Variants in ZDHHC17 observed in about 807,000 individuals in gnomAD.
ZDHHC17 encodes the protein palmitoyltransferase ZDHHC17.
Under a neutral mutation model 90.3 loss-of-function variants are expected in ZDHHC17, and 40 were observed. That is an observed-to-expected ratio of 0.44 (90% CI 0.34 to 0.58). The LOEUF is 0.58. ZDHHC17 is among the 20% of genes least tolerant of loss of function. The probability of loss-of-function intolerance (pLI) is 0.01; values close to 1 mark genes in which losing one functional copy is unlikely to be tolerated. For synonymous variants in ZDHHC17, 235 were observed against 252.4 expected (o/e 0.93, Z 0.65); for missense variants, 614 against 780.8 (o/e 0.79, Z 2.55).
Position 76,809,794 on chromosome 12 carries a change from TATTC to T in ZDHHC17, c.483_486del (p.His162TrpfsTer15). On this transcript the variant is annotated frameshift_variant, in exon 5 of 17. Coordinates refer to ENST00000426126, the MANE Select transcript of ZDHHC17 (RefSeq NM_015336.4). LOFTEE classifies it high-confidence loss of function. ...TAATTGATGGAGAAGGATGTAGCTG[TATTC>T]ATCTGGCTGCTCAGTTCGGACATAC... The T allele has an allele frequency of 6.2e-7, 1 of 1,609,840 alleles. No individual in the cohort carries two copies. The highest frequency in any genetic ancestry group is 8.5e-7 in the Non-Finnish European group (1 of 1,178,084).
At chr12:76,802,533 TC>T (rs1441120563) in intron 2 of ZDHHC17, among the ~76,000 whole-genome samples, 3 of 152,118 alleles carry the variant, frequency 2.0e-5, no homozygotes, top group African/African-American at 7.2e-5. Flanking sequence ...TCTCTCTCTC[TC>T]TTTTCCTGGA....
rs76254416 is a variant in ZDHHC17 at position 76,826,806 on chromosome 12, G to T, written c.898-102G>T. 3,436 of 1,228,904 alleles carry T rather than the reference G, an allele frequency of 2.8e-3. 59 individuals are homozygous for T. The East Asian group carries it at 0.039, about 14-fold the overall frequency. The allele number at this position is 1,228,904 out of a possible 1,614,324, so 76.1% of individuals were successfully genotyped here. A position where few individuals can be genotyped will look rare whatever the true frequency, so the allele number is the denominator to read the frequency against. ...ACATAGCATGCAAATTTGAGTGAAT[G>T]AATTTCACCCGCTGTTGCATGCCTT... On this transcript the variant is annotated intron_variant, in intron 8 of 16. Transcript: ENST00000426126.
At chr12:76,792,137 G>C (rs1395939722) in intron 1 of ZDHHC17, among the ~76,000 whole-genome samples, 5 of 152,068 alleles carry the variant, frequency 3.3e-5, no homozygotes, top group Non-Finnish European at 5.9e-5. Flanking sequence ...GGTCATTCTA[G>C]TCACCAGCCC....
chr12:76,837,151 T>C (rs1362991009), intron 10 of ZDHHC17, among the ~76,000 whole-genome samples: 1 of 152,188 alleles, frequency 6.6e-6, no homozygotes. Context: ...TTTGTGTTTT[T>C]TTGATACAGA....
rs1330210802 is a variant in ZDHHC17, at chr12:76,851,321, A to G, written c.*336A>G. On this transcript the variant is annotated 3_prime_UTR_variant, in exon 17 of 17. Transcript: ENST00000426126. Reference sequence around the variant, plus strand: ...TTCTATTGACAGACATGGTGTACTGATCAGAAATGTTCAGTTTTAACTAAA... The same window carrying G: ...TTCTATTGACAGACATGGTGTACTGGTCAGAAATGTTCAGTTTTAACTAAA... 3 of 252,194 alleles carry G rather than the reference A, an allele frequency of 1.2e-5. No individual in the cohort carries two copies. The highest frequency in any genetic ancestry group is 2.3e-5 in the Non-Finnish European group (3 of 131,584). 15.6% of individuals were successfully genotyped at this position (252,194 alleles called of 1,614,324 possible). A position where few individuals can be genotyped will look rare whatever the true frequency, so the allele number is the denominator to read the frequency against.
At chr12:76,815,822 T>C in intron 6 of ZDHHC17, 35 bp from the exon 7 acceptor site, 2 of 1,455,954 alleles carry the variant, frequency 1.4e-6, no homozygotes, top group Non-Finnish European at 9.1e-7. Flanking sequence ...TTAGGGTTGT[T>C]GTTGTTGTTT....
chr12:76,774,399 A>T (rs968096333), intron 1 of ZDHHC17, among the ~76,000 whole-genome samples: 1 of 152,160 alleles, frequency 6.6e-6, no homozygotes, highest in Non-Finnish European at 1.5e-5. Context: ...TCTTGTTGAA[A>T]TAACCCTAGG....
chr12:76,778,845 A>AT (rs982880810), intron 1 of ZDHHC17, among the ~76,000 whole-genome samples: 3 of 151,962 alleles, frequency 2.0e-5, no homozygotes, highest in African/African-American at 7.3e-5. Flanking sequence ...AACAATGGAA[A>AT]TTTTTTTTCT....
chr12:76,849,611 T>C (rs766476623), intron 16 of ZDHHC17, 141 bp downstream of exon 16: 9 of 553,162 alleles, frequency 1.6e-5, no homozygotes, highest in Non-Finnish European at 2.2e-5. Flanking sequence ...TTCACCATAA[T>C]AACAACAAAA....
At position 76,853,583 on chromosome 12, in the gene ZDHHC17, G is replaced by A. The variant is rs1015247590; in HGVS notation, c.*2598G>A. 3.3e-5 allele frequency: 5 copies of A among 150,624 alleles called. No homozygotes were observed. Among genetic ancestry groups the A allele is most frequent in the South Asian group, 2.1e-4 (1 of 4,694 alleles). 9.3% of individuals were successfully genotyped at this position (150,624 alleles called of 1,614,324 possible). ...GCCAAGTATTATTTTGCTACTTACC[G>A]TGTTATTCTGTGGAAAGAAAAACCT... On this transcript the variant is annotated 3_prime_UTR_variant, in exon 17 of 17. Transcript: ENST00000426126.
rs138944473 is a variant in ZDHHC17, at chr12:76,788,670, ATT to A, written c.94-8762_94-8761del. On this transcript the variant is annotated intron_variant, in intron 1 of 16. Coordinates refer to ENST00000426126, the MANE Select transcript of ZDHHC17 (RefSeq NM_015336.4). Reference sequence around the variant, plus strand: ...AAGATGAACTAGGATAGGAAAATATATTTAAGTTGGAATCGCAATTTTTTTTT... The same window carrying A: ...AAGATGAACTAGGATAGGAAAATATATAAGTTGGAATCGCAATTTTTTTTT... 5.5e-3 allele frequency among the ~76,000 whole-genome samples: 683 copies of A among 124,362 alleles called. 8 individuals carry two copies. Among genetic ancestry groups the A allele is most frequent in the African/African-American group, 0.019 (641 of 33,236 alleles). 81.6% of individuals were successfully genotyped at this position (124,362 alleles called of 152,430 possible). A position where few individuals can be genotyped will look rare whatever the true frequency, so the allele number is the denominator to read the frequency against.
intron 2 of ZDHHC17, among the ~76,000 whole-genome samples, chr12:76,801,870 A>C (rs1383988273): frequency 1.3e-5 from 2 of 152,222 alleles, no homozygotes; most frequent in Non-Finnish European, 2.9e-5. Context: ...CTCTAAAATT[A>C]TATAGAAACA....
chr12:76,822,257 G>A (rs958523544), intron 7 of ZDHHC17, 149 bp from the exon 8 acceptor site: 1 of 910,446 alleles, frequency 1.1e-6, no homozygotes, highest in Non-Finnish European at 1.6e-6. Context: ...TAAGAAACAT[G>A]TAATGATGCA....
At position 76,852,204 on chromosome 12, in the gene ZDHHC17, A is replaced by G. The variant is rs983459276; in HGVS notation, c.*1219A>G. 6 of 152,568 alleles carry G rather than the reference A, an allele frequency of 3.9e-5. No homozygotes were observed. Among genetic ancestry groups the G allele is most frequent in the African/African-American group, 1.4e-4 (6 of 41,420 alleles). 9.5% of individuals were successfully genotyped at this position (152,568 alleles called of 1,614,324 possible). On this transcript the variant is annotated 3_prime_UTR_variant, in exon 17 of 17. Transcript: ENST00000426126. ...GGACTACTAGTCACTGCTTCCATAA[A>G]TATTGTTTACAGGGTGAGATTTGGT... is the stretch of plus-strand genomic sequence containing the variant.
chr12:76,808,526 C>T (rs1467315334), intron 3 of ZDHHC17, among the ~76,000 whole-genome samples: 4 of 152,194 alleles, frequency 2.6e-5, no homozygotes, highest in African/African-American at 9.6e-5. Context: ...GCTTACTAAT[C>T]TAATACTAAA....
At position 76,846,624 on chromosome 12, in the gene ZDHHC17, C is replaced by T. The variant is rs767707340; in HGVS notation, c.1452C>T (p.Gly484=). Residue 484 remains glycine, a synonymous_variant, in exon 14 of 17, where the codon GGC becomes GGT. Transcript: ENST00000426126. ...CAGGCAACCATAGATATTTTATGGG[C>T]TACCTATTCTTCTTGCTTTTTATGA... ...VGAGNHRYFM[G]YLFFLLFMIC... is the part of the protein sequence containing the mutation. The T allele has an allele frequency of 6.2e-7, 1 of 1,612,376 alleles. No homozygotes were observed.
At chr12:76,804,775 C>T (rs1210981500) in intron 2 of ZDHHC17, among the ~76,000 whole-genome samples, 1 of 152,122 alleles carries the variant, frequency 6.6e-6, no homozygotes, top group Non-Finnish European at 1.5e-5. Flanking sequence ...GCTGTAGCTG[C>T]CCTGGGTGTG....
intron 1 of ZDHHC17, among the ~76,000 whole-genome samples, chr12:76,774,040 A>G (rs1379205604): frequency 6.6e-6 from 1 of 152,064 alleles, no homozygotes; most frequent in Non-Finnish European, 1.5e-5. Flanking sequence ...GCTTGAGCCT[A>G]GCAATTCCAG....
intron 1 of ZDHHC17, among the ~76,000 whole-genome samples, chr12:76,790,916 GACTA>G (rs765048127): frequency 3.8e-4 from 21 of 55,414 alleles, no homozygotes; most frequent in Non-Finnish European, 6.7e-4. Flanking sequence ...ATTACAGACT[GACTA>G]ACAATTTATT....
Sources: gnomAD v4.1 joint callset for allele counts (sites outside exome capture counted in the v4.1 genomes callset) on GRCh38, gnomAD v4.1.1 for gene constraint, MANE v1.5 for transcripts, NCBI Gene and HGNC (gene_info 2026-07-23, HGNC 2026-07-21) for gene names.